RDM1: variants seen among roughly 807,000 people sequenced by gnomAD.
RDM1 encodes the protein RAD52 motif-containing protein 1.
RDM1 carries 28 observed loss-of-function variants against 27.7 expected under a neutral mutation model. The observed-to-expected ratio is 1.01, with a 90% CI of 0.75 to 1.39. RDM1 has a LOEUF of 1.39. Ranked by LOEUF, RDM1 falls within the 40% of genes most tolerant of loss-of-function variation. The pLI is 0.00. For missense variants in RDM1, 277 were observed against 337.3 expected (o/e 0.82, Z 1.40); for synonymous variants, 124 against 127.5 (o/e 0.97, Z 0.19).
intron 2 of RDM1, among the ~76,000 whole-genome samples, chr17:35,928,373 TATG>T (rs1456016489): frequency 1.3e-5 from 2 of 152,176 alleles, no homozygotes; most frequent in East Asian, 1.9e-4. Flanking sequence ...CCATGGTGAG[TATG>T]ATGATGATGA....
At chr17:35,924,306 C>T (rs2089055548) in intron 4 of RDM1, among the ~76,000 whole-genome samples, 1 of 152,074 alleles carries the variant, frequency 6.6e-6, no homozygotes, top group African/African-American at 2.4e-5. Context: ...ATTTGAAGGA[C>T]TATTTTAGTT....
intron 1 of RDM1, 149 bp downstream of exon 1, chr17:35,930,483 T>C: frequency 1.1e-6 from 1 of 881,776 alleles, no homozygotes; most frequent in Admixed American, 2.8e-5. Context: ...CTGTTGGGGG[T>C]CGTCAGTTGT....
At position 35,923,644 on chromosome 17, in the gene RDM1, C is replaced by A. The variant is rs562655050; in HGVS notation, c.568+960G>T. On this transcript the variant is annotated intron_variant, in intron 4 of 6. Transcript: ENST00000620284. ...CGCCAGTGCACTTCAGCCTGGGCGA[C>A]TGAGTGAGGCTCCATCTCAAAAAAG... 2.0e-5 allele frequency among the ~76,000 whole-genome samples: 3 copies of A among 152,246 alleles called. No homozygotes were observed. In the East Asian group the frequency reaches 5.8e-4, roughly 30 times the overall value.
rs377466541 is a variant in RDM1, at chr17:35,922,692, C to A, written c.569-17G>T. ...ATAATGGTCCTAAATCCAACCAAAA[C>A]AAATGGATTTAAGGTGCCTATTTGA... On this transcript the variant is annotated splice_polypyrimidine_tract_variant and intron_variant, in intron 4 of 6. Coordinates refer to ENST00000620284, the MANE Select transcript of RDM1 (RefSeq NM_145654.4). The A allele has an allele frequency of 1.9e-6, 3 of 1,571,598 alleles. No homozygotes were observed. Among genetic ancestry groups the A allele is most frequent in the African/African-American group, 1.4e-5 (1 of 72,984 alleles).
In RDM1 at chr17:35,930,733, C is replaced by A; in HGVS notation, c.-6G>T. ...AAAGGTACCAACTCCGCCATCCTCC[C>A]TTCACCGCACCTGCGCGGCTAACCC... On this transcript the variant is annotated 5_prime_UTR_variant, in exon 1 of 7. The change creates a new upstream start codon in the 5' untranslated region. Coordinates refer to ENST00000620284, the MANE Select transcript of RDM1 (RefSeq NM_145654.4). The A allele has an allele frequency of 6.2e-7, 1 of 1,612,960 alleles. No homozygotes were observed. The highest frequency in any genetic ancestry group is 1.1e-5 in the South Asian group (1 of 91,024).
rs1003757372 is a variant in RDM1, at chr17:35,918,122, C to G, written c.*220G>C. The G allele has an allele frequency of 1.7e-6, 1 of 589,300 alleles. No homozygotes were observed. The highest frequency in any genetic ancestry group is 3.0e-6 in the Non-Finnish European group (1 of 329,690). The allele number at this position is 589,300 out of a possible 1,614,324, so 36.5% of individuals were successfully genotyped here. A position where few individuals can be genotyped will look rare whatever the true frequency, so the allele number is the denominator to read the frequency against. The stretch of plus-strand genomic sequence containing the variant: ...TATTAAGTTCCGTTCGAGATCCGCT[C>G]CTCGTCACCAGGGCGATCTTATCCC... On this transcript the variant is annotated 3_prime_UTR_variant, in exon 7 of 7. Transcript: ENST00000620284.
Position 35,925,633 on chromosome 17 carries a change from C to A in RDM1, c.281G>T (p.Arg94Leu), listed in dbSNP as rs760143593. 6.2e-7 allele frequency: 1 copy of A among 1,611,860 alleles called. No homozygotes were observed. The highest frequency in any genetic ancestry group is 8.5e-7 in the Non-Finnish European group (1 of 1,178,546). Residue 94 changes from arginine to leucine, a missense_variant, in exon 3 of 7, where the codon CGT (arginine) becomes CTT (leucine). By Grantham distance (102) the Arg-to-Leu change is moderately radical. Transcript: ENST00000620284. ...AACTGCCTTATGTCTGGTGCCAAGA[C>A]GAACCTAAAATCATAGGAGATAGAC... Reference protein sequence around the residue: ...QLFQKSPVKVRLGTRHKAVQH... With the variant: ...QLFQKSPVKVLLGTRHKAVQH...
At chr17:35,925,247 T>G (rs1181894611) in intron 3 of RDM1, among the ~76,000 whole-genome samples, 2 of 152,182 alleles carry the variant, frequency 1.3e-5, no homozygotes, top group East Asian at 3.8e-4. Flanking sequence ...AAAATCAAGT[T>G]AGATTTGCAA....
At chr17:35,922,706 G>A in intron 4 of RDM1, 31 bp from the exon 5 acceptor site, 1 of 1,510,690 alleles carries the variant, frequency 6.6e-7, no homozygotes. Flanking sequence ...TGGATTTAAG[G>A]TGCCTATTTG....
In RDM1 at chr17:35,918,347, C is replaced by T; in HGVS notation, c.850G>A (p.Asp284Asn). The change falls in exon 7 of 7, where the codon GAC (aspartate) becomes AAC (asparagine). Residue 284 changes from aspartate to asparagine, a missense_variant. Asp to Asn is a conservative substitution (Grantham distance 23). Coordinates refer to ENST00000620284, the MANE Select transcript of RDM1 (RefSeq NM_145654.4). ...CCTTGGGATATTCAGAAATGCTAGT[C>T]AAGTTCTGGCAGCCTGAACTCTTCC... ...EEEEFRLPEL[D>N] 9 of 1,613,166 alleles carry T rather than the reference C, an allele frequency of 5.6e-6. No homozygotes were observed. The highest frequency in any genetic ancestry group is 7.6e-6 in the Non-Finnish European group (9 of 1,179,682).
At chr17:35,924,917 C>T (rs1382146446) in intron 3 of RDM1, 145 bp from the exon 4 acceptor site, 10 of 659,722 alleles carry the variant, frequency 1.5e-5, no homozygotes, top group Admixed American at 3.0e-5. Context: ...GGGCGGATCA[C>T]GAGGTCAAGA....
chr17:35,920,793 C>T (rs559401758), intron 5 of RDM1, among the ~76,000 whole-genome samples: 2 of 152,080 alleles, frequency 1.3e-5, no homozygotes, highest in African/African-American at 4.8e-5. Context: ...AAATATCAAC[C>T]ATATTCGGTA....
chr17:35,923,349 CAAAAAAAAAAA>C (rs1013511994), intron 4 of RDM1, among the ~76,000 whole-genome samples: 3 of 47,266 alleles, frequency 6.3e-5, no homozygotes, highest in Non-Finnish European at 1.3e-4. Flanking sequence ...GATTCTGTCT[CAAAAAAAAAAA>C]AAAAAAAAAA....
intron 6 of RDM1, among the ~76,000 whole-genome samples, 198 bp from the exon 7 acceptor site, chr17:35,918,641 T>C (rs1319387257): frequency 6.6e-6 from 1 of 152,084 alleles, no homozygotes; most frequent in African/African-American, 2.4e-5. Flanking sequence ...AGGTGGGCAA[T>C]TCAGTCTGGG....
chr17:35,919,979 C>T (rs1275372695), intron 6 of RDM1, among the ~76,000 whole-genome samples: 1 of 152,176 alleles, frequency 6.6e-6, no homozygotes, highest in African/African-American at 2.4e-5. Flanking sequence ...CTCTGATAGT[C>T]CTCAGTTCTC....
chr17:35,922,780 AT>A lies in RDM1; in HGVS notation c.569-106del. On this transcript the variant is annotated intron_variant, in intron 4 of 6. Coordinates refer to ENST00000620284, the MANE Select transcript of RDM1 (RefSeq NM_145654.4). ...CCACGATTCTTAGCTCAAAACCTTC[AT>A]GACTAAGGGCAGATGGCACAAGCGT... The A allele has an allele frequency of 5.5e-6, 5 of 910,096 alleles. No individual in the cohort carries two copies. The South Asian group carries it at 8.8e-5, about 16-fold the overall frequency. 56.4% of individuals were successfully genotyped at this position (910,096 alleles called of 1,614,324 possible).
intron 2 of RDM1, among the ~76,000 whole-genome samples, chr17:35,929,740 C>G (rs1245095094): frequency 6.6e-6 from 1 of 152,174 alleles, no homozygotes; most frequent in Non-Finnish European, 1.5e-5. Flanking sequence ...CGGTGCCCAG[C>G]CTTATCTTTA....
chr17:35,929,754 T>C (rs574856103), intron 2 of RDM1, among the ~76,000 whole-genome samples: 62 of 152,196 alleles, frequency 4.1e-4, no homozygotes, highest in African/African-American at 1.4e-3. Context: ...ATCTTTACAA[T>C]TTTTTTTATA....
rs1555633539 is a variant in RDM1 at position 35,930,071 on chromosome 17, C to T, written c.276+5G>A. 6.2e-7 allele frequency: 1 copy of T among 1,609,898 alleles called. No homozygotes were observed. The highest frequency in any genetic ancestry group is 8.5e-7 in the Non-Finnish European group (1 of 1,177,936). ...CGGAGCTAGGAATTCCATATTTGGA[C>T]CCACCTTGACTGGAGATTTCTGAAA... On this transcript the variant is annotated splice_donor_5th_base_variant and intron_variant, in intron 2 of 6. Coordinates refer to ENST00000620284, the MANE Select transcript of RDM1 (RefSeq NM_145654.4).
Sources: gnomAD v4.1 joint callset for allele counts (sites outside exome capture counted in the v4.1 genomes callset) on GRCh38, gnomAD v4.1.1 for gene constraint, MANE v1.5 for transcripts, NCBI Gene and HGNC (gene_info 2026-07-23, HGNC 2026-07-21) for gene names.